The following FREM2 variants were observed in gnomAD, a reference collection of about 807,000 sequenced individuals.
FREM2 encodes FRAS1-related extracellular matrix protein 2.
Under a neutral mutation model 219.9 loss-of-function variants are expected in FREM2, and 119 were observed. That is an observed-to-expected ratio of 0.54 (90% CI 0.47 to 0.63). The LOEUF (loss-of-function observed/expected upper bound fraction) is 0.63, where lower values mean the gene tolerates loss of function less well. Among genes scored for constraint, FREM2 ranks in the 30% least tolerant of loss-of-function variants. The pLI, the probability that FREM2 is intolerant of heterozygous loss-of-function variation, is 0.00. For missense variants in FREM2, 4,030 were observed against 3,993.6 expected (o/e 1.01, Z -0.25); for synonymous variants, 1,562 against 1,522.8 (o/e 1.03, Z -0.60).
rs907252202 is a variant in FREM2 at position 38,851,682 on chromosome 13, T to G, written c.6743-4T>G. The G allele has an allele frequency of 1.9e-6, 3 of 1,596,108 alleles. No homozygotes were observed. In the East Asian group the frequency reaches 6.7e-5, roughly 36 times the overall value. On this transcript the variant is annotated splice_polypyrimidine_tract_variant and splice_region_variant and intron_variant, in intron 10 of 23. Transcript: ENST00000280481. Reference sequence around the variant, plus strand: ...TCATTTGTCTTTGTTTCCCACAATTTTAGAGACTGTTATTAAATTTGGAGA... The same window carrying G: ...TCATTTGTCTTTGTTTCCCACAATTGTAGAGACTGTTATTAAATTTGGAGA...
At chr13:38,729,835 G>A (rs191546565) in intron 2 of FREM2, among the ~76,000 whole-genome samples, 3 of 152,240 alleles carry the variant, frequency 2.0e-5, no homozygotes, top group Admixed American at 6.5e-5. Context: ...AGTAACATCA[G>A]GAGAAATGAT....
chr13:38,739,898 A>T (rs1872169678), intron 2 of FREM2, among the ~76,000 whole-genome samples: 1 of 152,218 alleles, frequency 6.6e-6, no homozygotes, highest in Non-Finnish European at 1.5e-5. Flanking sequence ...TGTGATACTG[A>T]TATCAAAACC....
chr13:38,696,954 C>T (rs534416824), intron 1 of FREM2, among the ~76,000 whole-genome samples: 5 of 151,812 alleles, frequency 3.3e-5, no homozygotes, highest in East Asian at 3.9e-4. Context: ...ATTACAGGAA[C>T]GCACCACCAC....
At chr13:38,787,354 A>G (rs1416081074) in intron 6 of FREM2, among the ~76,000 whole-genome samples, 2 of 152,138 alleles carry the variant, frequency 1.3e-5, no homozygotes, top group African/African-American at 4.8e-5. Flanking sequence ...TAACATCACT[A>G]CTATAGTTTA....
intron 4 of FREM2, among the ~76,000 whole-genome samples, chr13:38,776,848 A>G (rs928718104): frequency 1.3e-5 from 2 of 151,628 alleles, no homozygotes; most frequent in Non-Finnish European, 2.9e-5. Flanking sequence ...CAGCCTTACC[A>G]CTTGAGAGTA....
rs903253961 is a variant in FREM2, at chr13:38,688,677, A to G, written c.1333A>G (p.Thr445Ala). 4.3e-6 allele frequency: 7 copies of G among 1,613,814 alleles called. No homozygotes were observed. Among genetic ancestry groups the G allele is most frequent in the Non-Finnish European group, 5.1e-6 (6 of 1,179,958 alleles). The change falls in exon 1 of 24, where the codon ACC (threonine) becomes GCC (alanine). Residue 445 changes from threonine to alanine, a missense_variant. Around this residue, in one of 2 missense-constraint regions of FREM2, gnomAD observed 3,102 missense variants for 2,950.7 expected, o/e 1.05. Transcript: ENST00000280481. ...AATGGCTCCGGTGGTCACCCGGAAT[A>G]CCGGTCTTATTCTCTATGAGGGTCA... is the stretch of plus-strand genomic sequence containing the variant. ...NTMAPVVTRN[T>A]GLILYEGQSR...
chr13:38,687,280 T>G lies in FREM2; in HGVS notation c.-65T>G. 1 of 1,550,980 alleles carries G rather than the reference T, an allele frequency of 6.4e-7. No homozygotes were observed. The highest frequency in any genetic ancestry group is 8.7e-7 in the Non-Finnish European group (1 of 1,146,808). Reference sequence around the variant, plus strand: ...GGCACTTCCCGGCGGTGTCTCTTGTTGTCTGCCCGGGGACCGACTTCGCAT... The same window carrying G: ...GGCACTTCCCGGCGGTGTCTCTTGTGGTCTGCCCGGGGACCGACTTCGCAT... On this transcript the variant is annotated 5_prime_UTR_variant, in exon 1 of 24. Transcript: ENST00000280481.
intron 12 of FREM2, 111 bp downstream of exon 12, chr13:38,856,367 C>T (rs1363451577): frequency 3.2e-5 from 31 of 968,470 alleles, no homozygotes; most frequent in South Asian, 6.5e-5. Flanking sequence ...ACAAGCCTTA[C>T]GTGAAAGAGA....
intron 6 of FREM2, among the ~76,000 whole-genome samples, chr13:38,787,712 T>C (rs1031054961): frequency 2.7e-5 from 4 of 150,418 alleles, no homozygotes; most frequent in South Asian, 4.2e-4. Flanking sequence ...TTTATTAATG[T>C]TATTTATTAA....
chr13:38,750,183 C>T (rs140846201), intron 2 of FREM2, among the ~76,000 whole-genome samples: 1 of 152,226 alleles, frequency 6.6e-6, no homozygotes, highest in African/African-American at 2.4e-5. Flanking sequence ...TATGGTTTGG[C>T]TCTGTGTCCC....
Position 38,882,439 on chromosome 13 carries a change from T to C in FREM2, c.*1652T>C, listed in dbSNP as rs953224263. The C allele has an allele frequency of 3.3e-5, 5 of 152,164 alleles. No homozygotes were observed. The highest frequency in any genetic ancestry group is 1.2e-4 in the African/African-American group (5 of 41,434). The allele number at this position is 152,164 out of a possible 1,614,324, so 9.4% of individuals were successfully genotyped here. A position where few individuals can be genotyped will look rare whatever the true frequency, so the allele number is the denominator to read the frequency against. ...AGTATCAACCATTTCTTGATCAAGA[T>C]AAGGAAGCAACACTGATACTGAGAG... On this transcript the variant is annotated 3_prime_UTR_variant, in exon 24 of 24. Transcript: ENST00000280481.
chr13:38,793,090 A>G (rs1441915887), intron 6 of FREM2, among the ~76,000 whole-genome samples: 2 of 152,234 alleles, frequency 1.3e-5, no homozygotes, highest in Non-Finnish European at 2.9e-5. Flanking sequence ...TTTACAATAA[A>G]TATTTTTTGA....
intron 2 of FREM2, among the ~76,000 whole-genome samples, chr13:38,716,798 G>A (rs61947556): frequency 3.9e-5 from 6 of 152,160 alleles, no homozygotes; most frequent in Admixed American, 6.5e-5. Context: ...GTGAGCCACC[G>A]CGCCTGGCCT....
intron 2 of FREM2, among the ~76,000 whole-genome samples, chr13:38,762,492 T>G (rs1287079941): frequency 6.6e-6 from 1 of 151,832 alleles, no homozygotes; most frequent in South Asian, 2.1e-4. Context: ...CAGGCTGGAG[T>G]GCAATGGTGC....
chr13:38,706,250 G>C (rs1870534675), intron 2 of FREM2, among the ~76,000 whole-genome samples: 1 of 152,104 alleles, frequency 6.6e-6, no homozygotes, highest in Admixed American at 6.6e-5. Flanking sequence ...AGGTTCAAAG[G>C]GTAGTTTTGA....
chr13:38,784,600 TG>T lies in FREM2; in HGVS notation c.5812del (p.Asp1938IlefsTer26). On this transcript the variant is annotated frameshift_variant, in exon 6 of 24. Coordinates refer to ENST00000280481, the MANE Select transcript of FREM2 (RefSeq NM_207361.6). LOFTEE classifies it high-confidence loss of function. Reference protein sequence around the residue: ...TVPTSVLSYSDYISRPEDHTS... With the variant: ...TVPTSVLSYSXYISRPEDHTS... ...TGCCGACTTCCGTGTTGTCTTACTC[TG>T]ATTACATATCCAGGCCTGAGGACCA... The T allele has an allele frequency of 6.2e-7, 1 of 1,614,226 alleles. No individual in the cohort carries two copies. The highest frequency in any genetic ancestry group is 8.5e-7 in the Non-Finnish European group (1 of 1,180,018).
intron 6 of FREM2, among the ~76,000 whole-genome samples, chr13:38,786,019 A>C (rs1874314179): frequency 6.6e-6 from 1 of 152,210 alleles, no homozygotes; most frequent in South Asian, 2.1e-4. Context: ...CAGCATAATT[A>C]GCATGTCCAT....
intron 6 of FREM2, among the ~76,000 whole-genome samples, chr13:38,817,704 T>A (rs575613640): frequency 1.4e-4 from 22 of 152,040 alleles, no homozygotes; most frequent in Non-Finnish European, 2.6e-4. Context: ...AAAATAGGCA[T>A]ATAGGATTAT....
chr13:38,762,473 C>T (rs935846295), intron 2 of FREM2, among the ~76,000 whole-genome samples: 226 of 151,576 alleles, frequency 1.5e-3, no homozygotes, highest in African/African-American at 5.2e-3. Context: ...GAGTTTCACT[C>T]TTGTTGCCCA....
Sources: allele counts gnomAD v4.1 joint callset (sites outside exome capture counted in the v4.1 genomes callset), GRCh38; gene constraint gnomAD v4.1.1; regional missense constraint gnomAD v4.1.1; transcripts MANE v1.5; gene names NCBI Gene and HGNC (gene_info 2026-07-23, HGNC 2026-07-21).